PELI1: variants seen among roughly 807,000 people sequenced by gnomAD.
PELI1 encodes E3 ubiquitin-protein ligase pellino homolog 1.
In PELI1, 15 loss-of-function variants were observed where a neutral mutation model predicts 41.3. That is an observed-to-expected ratio of 0.36 (90% confidence interval 0.24 to 0.56). The LOEUF is 0.56. Ranked by LOEUF, PELI1 falls within the 20% of genes least tolerant of loss-of-function variation. The pLI is 0.82. For missense variants in PELI1, 403 were observed against 525.5 expected, an observed-to-expected ratio of 0.77 and a Z score of 2.28; for synonymous variants, 178 against 180.1, an observed-to-expected ratio of 0.99 and a Z score of 0.09.
rs116819397 is a variant in PELI1 at position 64,106,883 on chromosome 2, C to T, written c.71+1357G>A. Among the ~76,000 whole-genome samples the T allele has an allele frequency of 4.0e-3, 615 of 152,254 alleles. 3 individuals carry two copies. Among genetic ancestry groups the T allele is most frequent in the African/African-American group, 0.014 (587 of 41,536 alleles). On this transcript the variant is annotated intron_variant, in intron 2 of 6. Coordinates refer to ENST00000358912, the MANE Select transcript of PELI1 (RefSeq NM_020651.4). ...GCAATATCTAGAGTTGCTTTTTAGGCAAAAGGAGGGAAACAGTAGGGGGAA... is the reference window on the plus strand; with the variant it reads ...GCAATATCTAGAGTTGCTTTTTAGGTAAAAGGAGGGAAACAGTAGGGGGAA...
At chr2:64,099,726 A>T (rs1238298206) in intron 4 of PELI1, among the ~76,000 whole-genome samples, 1 of 152,252 alleles carries the variant, frequency 6.6e-6, no homozygotes, top group Non-Finnish European at 1.5e-5. Flanking sequence ...GTTTTTAAAA[A>T]GCCTAAGCTT....
chr2:64,109,355 C>G (rs1558476892), intron 1 of PELI1, among the ~76,000 whole-genome samples: 1 of 152,170 alleles, frequency 6.6e-6, no homozygotes, highest in Non-Finnish European at 1.5e-5. Flanking sequence ...AACAGAAAAT[C>G]ATTCATCCTA....
rs932708130 is a variant in PELI1, at chr2:64,144,365, AGGC to A, written c.-357_-355del. 2.7e-5 allele frequency: 4 copies of A among 149,052 alleles called. No homozygotes were observed. The highest frequency in any genetic ancestry group is 5.9e-5 in the Non-Finnish European group (4 of 67,780). The allele number at this position is 149,052 out of a possible 1,614,324, so 9.2% of individuals were successfully genotyped here. On this transcript the variant is annotated 5_prime_UTR_variant, in exon 1 of 7. Transcript: ENST00000358912. Reference sequence around the variant, plus strand: ...GGGCTGCTGCCGCTGCTGCTAGTGGAGGCGGCGGCGGCGCCCCCCGACGGTCCC... The same window carrying A: ...GGGCTGCTGCCGCTGCTGCTAGTGGAGGCGGCGGCGCCCCCCGACGGTCCC...
chr2:64,101,432 A>G (rs1680428370), intron 3 of PELI1, among the ~76,000 whole-genome samples: 1 of 152,204 alleles, frequency 6.6e-6, no homozygotes, highest in African/African-American at 2.4e-5. Context: ...CAAACTAAAA[A>G]CATTGCTAAA....
At chr2:64,135,506 T>A (rs564307387) in intron 1 of PELI1, among the ~76,000 whole-genome samples, 22 of 152,180 alleles carry the variant, frequency 1.4e-4, no homozygotes, top group Non-Finnish European at 3.2e-4. Flanking sequence ...TTTATAAGTA[T>A]AAAAATGGCA....
intron 1 of PELI1, among the ~76,000 whole-genome samples, chr2:64,117,974 T>TA (rs1681057530): frequency 6.6e-6 from 1 of 152,064 alleles, no homozygotes; most frequent in Non-Finnish European, 1.5e-5. Flanking sequence ...CACGCCCAGC[T>TA]AATTTTTTGT....
At chr2:64,102,983 C>T (rs142231505) in intron 3 of PELI1, among the ~76,000 whole-genome samples, 7 of 151,938 alleles carry the variant, frequency 4.6e-5, no homozygotes, top group East Asian at 1.9e-4. Flanking sequence ...GCTGGGACTT[C>T]GGGGCATGCC....
Position 64,094,778 on chromosome 2 carries a change from G to C in PELI1, c.1181C>G (p.Ala394Gly). 2 of 1,614,178 alleles carry C rather than the reference G, an allele frequency of 1.2e-6. No homozygotes were observed. Among genetic ancestry groups the C allele is most frequent in the Non-Finnish European group, 1.7e-6 (2 of 1,180,010 alleles). The change falls in exon 7 of 7, where the codon GCC becomes GGC. Residue 394 changes from alanine (A) to glycine (G), a missense_variant. Physicochemically the swap from Ala to Gly is moderately conservative, Grantham distance 60. Coordinates refer to ENST00000358912, the MANE Select transcript of PELI1 (RefSeq NM_020651.4). ...LPHGTHTFHA[A>G]CPFCAHQLAG... is the part of the protein sequence containing the mutation. ...CAACTGATGTGCACAAAAGGGACAG[G>C]CTGCATGAAAAGTATGAGTACCATG... is the stretch of plus-strand genomic sequence containing the variant.
intron 1 of PELI1, among the ~76,000 whole-genome samples, chr2:64,140,453 C>A (rs17028510): frequency 6.6e-6 from 1 of 151,952 alleles, no homozygotes; most frequent in East Asian, 1.9e-4. Context: ...GTACAACATT[C>A]CGAAAAATTG....
chr2:64,138,591 G>A (rs1379338934), intron 1 of PELI1, among the ~76,000 whole-genome samples: 1 of 152,094 alleles, frequency 6.6e-6, no homozygotes, highest in Non-Finnish European at 1.5e-5. Context: ...ACTGGGCGTG[G>A]TGGCGTGTGC....
intron 1 of PELI1, among the ~76,000 whole-genome samples, chr2:64,115,136 T>C (rs1680949243): frequency 6.6e-6 from 1 of 152,200 alleles, no homozygotes; most frequent in Non-Finnish European, 1.5e-5. Context: ...AATGTTTCTG[T>C]ACATTTAAAA....
intron 6 of PELI1, 46 bp from the exon 7 acceptor site, chr2:64,095,314 G>A (rs1468869952): frequency 7.3e-7 from 1 of 1,367,174 alleles, no homozygotes; most frequent in Non-Finnish European, 1.0e-6. Context: ...CTCTGTTTTG[G>A]ATTTTTACAT....
chr2:64,095,619 T>C (rs1431957582), intron 6 of PELI1, among the ~76,000 whole-genome samples: 1 of 152,166 alleles, frequency 6.6e-6, no homozygotes, highest in Non-Finnish European at 1.5e-5. Context: ...GCTTAGGTTT[T>C]AAAATATATT....
At chr2:64,110,178 G>A (rs1338740770) in intron 1 of PELI1, among the ~76,000 whole-genome samples, 1 of 147,162 alleles carries the variant, frequency 6.8e-6, no homozygotes, top group Non-Finnish European at 1.5e-5. Context: ...CCGGGAGGCA[G>A]AGCTTGCAGT....
intron 1 of PELI1, among the ~76,000 whole-genome samples, chr2:64,134,550 C>A (rs1486524888): frequency 6.6e-6 from 1 of 152,164 alleles, no homozygotes; most frequent in Non-Finnish European, 1.5e-5. Flanking sequence ...CGCTACTTTA[C>A]AAAAGATACG....
At chr2:64,134,846 T>C (rs1010825062) in intron 1 of PELI1, among the ~76,000 whole-genome samples, 2 of 152,142 alleles carry the variant, frequency 1.3e-5, no homozygotes, top group African/African-American at 2.4e-5. Flanking sequence ...CTTTCAATTG[T>C]TTTCACTTAT....
chr2:64,135,903 G>C (rs1681701926), intron 1 of PELI1, among the ~76,000 whole-genome samples: 1 of 152,168 alleles, frequency 6.6e-6, no homozygotes, highest in Non-Finnish European at 1.5e-5. Context: ...CTGAGCCTTA[G>C]CTCATTAGGT....
rs528327199 is a variant in PELI1 at position 64,137,532 on chromosome 2, A to C, written c.-70+6549T>G. On this transcript the variant is annotated intron_variant, in intron 1 of 6. Coordinates refer to ENST00000358912, the MANE Select transcript of PELI1 (RefSeq NM_020651.4). ...TGTGAGACCTTAAAATATCCAAATT[A>C]GTATGGTGCCTTCCATACTAGTCAC... Among the ~76,000 whole-genome samples, 19 of 152,268 alleles carry C rather than the reference A, an allele frequency of 1.2e-4. 1 individual carries two copies. In the South Asian group the frequency reaches 3.9e-3, roughly 32 times the overall value.
At chr2:64,105,500 T>C (rs1434918511) in intron 2 of PELI1, among the ~76,000 whole-genome samples, 1 of 152,080 alleles carries the variant, frequency 6.6e-6, no homozygotes, top group Non-Finnish European at 1.5e-5. Context: ...TGGAAACAAG[T>C]TAAAAACAAA....
Sources: gnomAD v4.1 joint callset for allele counts (sites outside exome capture counted in the v4.1 genomes callset) on GRCh38, gnomAD v4.1.1 for gene constraint, MANE v1.5 for transcripts, NCBI Gene and HGNC (gene_info 2026-07-23, HGNC 2026-07-21) for gene names.